Variants in TMTC2 observed in about 807,000 individuals in gnomAD.
TMTC2 encodes the protein protein O-mannosyl-transferase TMTC2.
TMTC2 carries 43 observed loss-of-function variants against 82.4 expected under a neutral mutation model. The ratio of observed to expected loss-of-function variants is 0.52; its 90% CI spans 0.41 to 0.67. The LOEUF (loss-of-function observed/expected upper bound fraction) is 0.67, where lower values mean the gene tolerates loss of function less well. Ranked by LOEUF, TMTC2 falls within the 30% of genes least tolerant of loss-of-function variation. The pLI is 0.00. For missense variants in TMTC2, 919 were observed against 1,012.4 expected (o/e 0.91, Z 1.25); for synonymous variants, 408 against 381.9 (o/e 1.07, Z -0.80).
In TMTC2 at chr12:82,719,059, T is replaced by TTATA. The variant is rs1271920285; in HGVS notation, c.83+31414_83+31417dup. Among the ~76,000 whole-genome samples the TTATA allele has an allele frequency of 5.8e-3, 549 of 94,382 alleles. 23 individuals are homozygous for TTATA. The highest frequency in any genetic ancestry group is 0.015 in the African/African-American group (318 of 21,496). The allele number at this position is 94,382 out of a possible 152,430, so 61.9% of individuals were successfully genotyped here. On this transcript the variant is annotated intron_variant, in intron 1 of 11. Transcript: ENST00000321196. ...TACAATTCTACAGCTTTAGATGATT[T>TTATA]TATATATATATATATATATATATAT... is the stretch of plus-strand genomic sequence containing the variant.
At chr12:83,075,842 A>G (rs1445151905) in intron 11 of TMTC2, among the ~76,000 whole-genome samples, 1 of 152,080 alleles carries the variant, frequency 6.6e-6, no homozygotes, top group South Asian at 2.1e-4. Context: ...TGCTGCAGTT[A>G]TTTTCTTCTG....
At chr12:83,002,830 T>G (rs774701880) in intron 8 of TMTC2, among the ~76,000 whole-genome samples, 1 of 151,976 alleles carries the variant, frequency 6.6e-6, no homozygotes, top group Non-Finnish European at 1.5e-5. Flanking sequence ...GTGCATCTGG[T>G]CGCTCTTAGA....
chr12:83,065,002 A>C (rs1882867472), intron 11 of TMTC2, among the ~76,000 whole-genome samples: 2 of 151,808 alleles, frequency 1.3e-5, no homozygotes, highest in African/African-American at 4.8e-5. Flanking sequence ...CTTACTCTTA[A>C]TTTTTCTTCT....
Position 83,052,492 on chromosome 12 carries a change from G to A in TMTC2, c.2267+1474G>A, listed in dbSNP as rs547805349. ...TAATTTTTAAAAGACACCTCAATTTGTGTGACAAGGTTAGGTACTGTTACA... is the reference window on the plus strand; with the variant it reads ...TAATTTTTAAAAGACACCTCAATTTATGTGACAAGGTTAGGTACTGTTACA... On this transcript the variant is annotated intron_variant, in intron 10 of 11. Transcript: ENST00000321196. 1.2e-4 allele frequency among the ~76,000 whole-genome samples: 18 copies of A among 152,192 alleles called. No individual in the cohort carries two copies. The Middle Eastern group carries it at 0.014, about 115-fold the overall frequency.
chr12:82,838,894 T>G (rs1870192395), intron 1 of TMTC2, among the ~76,000 whole-genome samples: 1 of 152,114 alleles, frequency 6.6e-6, no homozygotes, highest in Non-Finnish European at 1.5e-5. Flanking sequence ...TCCTTCCTGC[T>G]TTGTCAAAAC....
At chr12:82,832,384 G>C (rs1228143211) in intron 1 of TMTC2, among the ~76,000 whole-genome samples, 1 of 148,462 alleles carries the variant, frequency 6.7e-6, no homozygotes. Context: ...TTTTAATTAT[G>C]TGTGTAATTT....
chr12:82,948,390 G>T (rs1877150127), intron 4 of TMTC2, among the ~76,000 whole-genome samples: 1 of 149,740 alleles, frequency 6.7e-6, no homozygotes, highest in South Asian at 2.1e-4. Context: ...AAAAAAGATT[G>T]TTATGAATAG....
intron 11 of TMTC2, among the ~76,000 whole-genome samples, chr12:83,106,586 A>G (rs554974704): frequency 6.6e-6 from 1 of 152,250 alleles, no homozygotes; most frequent in African/African-American, 2.4e-5. Flanking sequence ...ATCTTGGCCT[A>G]CCATGAATTA....
chr12:82,790,896 C>T lies in TMTC2; in HGVS notation c.84-66114C>T, dbSNP rs1178217329. On this transcript the variant is annotated intron_variant, in intron 1 of 11. Coordinates refer to ENST00000321196, the MANE Select transcript of TMTC2 (RefSeq NM_152588.3). ...CTTTTGCTTACCTCCCTGCCTCTTT[C>T]CCTTTAAAAAAGAAATATTCGAACA... Among the ~76,000 whole-genome samples the T allele has an allele frequency of 2.6e-5, 4 of 151,716 alleles. No individual in the cohort carries two copies. In the East Asian group the frequency reaches 7.7e-4, roughly 29 times the overall value.
At chr12:82,982,805 G>C (rs907977374) in intron 7 of TMTC2, among the ~76,000 whole-genome samples, 2 of 151,966 alleles carry the variant, frequency 1.3e-5, no homozygotes, top group Non-Finnish European at 2.9e-5. Context: ...CTATTAGCTA[G>C]TGAAGGCAAT....
chr12:82,995,439 A>G lies in TMTC2; in HGVS notation c.2070+9393A>G, dbSNP rs932960325. On this transcript the variant is annotated intron_variant, in intron 8 of 11. Transcript: ENST00000321196. ...AAATTGGTTCAAAACCTGCCTGGCCATGAACATGTTCACAAGTTCATAAGG... is the reference window on the plus strand; with the variant it reads ...AAATTGGTTCAAAACCTGCCTGGCCGTGAACATGTTCACAAGTTCATAAGG... Among the ~76,000 whole-genome samples, 27 of 152,176 alleles carry G rather than the reference A, an allele frequency of 1.8e-4. 1 individual carries two copies. The highest frequency in any genetic ancestry group is 6.5e-5 in the Admixed American group (1 of 15,276).
intron 1 of TMTC2, among the ~76,000 whole-genome samples, chr12:82,843,715 G>A (rs1440455729): frequency 6.6e-6 from 1 of 151,786 alleles, no homozygotes; most frequent in African/African-American, 2.4e-5. Flanking sequence ...TGGGAGTCCG[G>A]GGCGGGTGGA....
intron 4 of TMTC2, among the ~76,000 whole-genome samples, chr12:82,956,435 C>T (rs1474811755): frequency 2.0e-5 from 3 of 151,976 alleles, no homozygotes; most frequent in African/African-American, 7.3e-5. Flanking sequence ...CACTATTCTT[C>T]CATCAGATAA....
intron 2 of TMTC2, among the ~76,000 whole-genome samples, chr12:82,877,430 C>T (rs1358944593): frequency 6.6e-6 from 1 of 152,148 alleles, no homozygotes. Context: ...CAGCTTACCT[C>T]CTAAAGACCC....
chr12:82,691,142 C>A (rs1045880423), intron 1 of TMTC2, among the ~76,000 whole-genome samples: 5 of 152,256 alleles, frequency 3.3e-5, no homozygotes, highest in Admixed American at 2.6e-4. Flanking sequence ...CTTTTACATG[C>A]TTTAAATTCT....
intron 1 of TMTC2, among the ~76,000 whole-genome samples, chr12:82,843,563 T>C (rs1203728364): frequency 1.3e-5 from 2 of 152,198 alleles, no homozygotes; most frequent in Admixed American, 6.5e-5. Context: ...TGTAGAATAT[T>C]TTAAGTATGA....
chr12:82,707,648 A>T (rs1873425421), intron 1 of TMTC2, among the ~76,000 whole-genome samples: 1 of 152,208 alleles, frequency 6.6e-6, no homozygotes, highest in Non-Finnish European at 1.5e-5. Flanking sequence ...TACTTTGTCT[A>T]GGCCAAGGCC....
chr12:82,935,695 T>C (rs1025200934), intron 4 of TMTC2, among the ~76,000 whole-genome samples: 1 of 152,194 alleles, frequency 6.6e-6, no homozygotes, highest in Non-Finnish European at 1.5e-5. Flanking sequence ...TTAAATATTG[T>C]ATTAGGAATT....
At chr12:83,068,954 C>T (rs1258814650) in intron 11 of TMTC2, among the ~76,000 whole-genome samples, 2 of 152,018 alleles carry the variant, frequency 1.3e-5, no homozygotes, top group South Asian at 2.1e-4. Flanking sequence ...TGAGAACATA[C>T]GATGTTTGGT....
Sources: allele counts gnomAD v4.1 joint callset (sites outside exome capture counted in the v4.1 genomes callset), GRCh38; gene constraint gnomAD v4.1.1; transcripts MANE v1.5; gene names NCBI Gene and HGNC (gene_info 2026-07-23, HGNC 2026-07-21).